The following TENM3 variants were observed in gnomAD, a reference collection of about 807,000 sequenced individuals.
TENM3 encodes the protein teneurin-3.
TENM3 carries 63 observed loss-of-function variants against 255.1 expected under a neutral mutation model. The ratio of observed to expected loss-of-function variants is 0.25; its 90% CI spans 0.20 to 0.30. The LOEUF is 0.30. TENM3 is among the 10% of genes least tolerant of loss of function. The pLI is 1.00. For missense variants in TENM3, 2,929 were observed against 3,461.1 expected (o/e 0.85, Z 3.86); for synonymous variants, 1,306 against 1,322.3 (o/e 0.99, Z 0.27).
chr4:182,684,407 G>A (rs1321004543), intron 11 of TENM3, among the ~76,000 whole-genome samples: 1 of 72,006 alleles, frequency 1.4e-5, no homozygotes, highest in Non-Finnish European at 2.5e-5. Flanking sequence ...ACACTGAACT[G>A]CCTGGGTTCA....
At chr4:182,347,019 TCC>T in intron 3 of TENM3, 90 bp downstream of exon 3, 2 of 977,962 alleles carry the variant, frequency 2.0e-6, no homozygotes, top group Non-Finnish European at 2.9e-6. Context: ...TTTCTTTCTC[TCC>T]TTCCTCTCAT....
chr4:181,820,899 T>A, the TENM3 span, among the ~76,000 whole-genome samples: 2 of 152,212 alleles, frequency 1.3e-5, no homozygotes, highest in Non-Finnish European at 2.9e-5. Context: ...TTAGACCTCC[T>A]TCGACACAAT....
the TENM3 span, among the ~76,000 whole-genome samples, chr4:181,888,552 A>G: frequency 0.22 from 19,075 of 85,182 alleles, 3,330 homozygotes; most frequent in Non-Finnish European, 0.26. Context: ...ATATATATGT[A>G]TATATATACA....
intron 1 of TENM3, among the ~76,000 whole-genome samples, chr4:182,250,755 T>A (rs1227231443): frequency 6.6e-6 from 1 of 152,236 alleles, no homozygotes; most frequent in African/African-American, 2.4e-5. Context: ...TTTAATATTT[T>A]AAAAATAAGC....
chr4:182,123,587 G>C, the TENM3 span, among the ~76,000 whole-genome samples: 7 of 152,288 alleles, frequency 4.6e-5, no homozygotes, highest in African/African-American at 1.7e-4. Context: ...AACATTTATT[G>C]ATGAAGTGTG....
chr4:182,361,836 G>A (rs201289394), intron 3 of TENM3, among the ~76,000 whole-genome samples: 21 of 151,854 alleles, frequency 1.4e-4, no homozygotes, highest in Non-Finnish European at 2.6e-4. Context: ...TTTTTTCCCC[G>A]TCTTTGTGGT....
the TENM3 span, among the ~76,000 whole-genome samples, chr4:181,891,408 A>G: frequency 1.6e-4 from 24 of 152,190 alleles, no homozygotes; most frequent in South Asian, 4.6e-3. Context: ...CTTTCCTACC[A>G]CTCAGCACCT....
the TENM3 span, among the ~76,000 whole-genome samples, chr4:181,628,083 G>A: frequency 2.6e-5 from 4 of 152,240 alleles, no homozygotes; most frequent in East Asian, 3.9e-4. Flanking sequence ...TTCTCTGATG[G>A]CCAGTGATGA....
chr4:181,904,081 G>T, the TENM3 span, among the ~76,000 whole-genome samples: 61 of 152,148 alleles, frequency 4.0e-4, no homozygotes, highest in African/African-American at 1.4e-3. Context: ...CTGAGCTCTT[G>T]ATATCCACTT....
chr4:182,645,522 A>G (rs887915332), intron 5 of TENM3, among the ~76,000 whole-genome samples: 1 of 152,180 alleles, frequency 6.6e-6, no homozygotes, highest in African/African-American at 2.4e-5. Context: ...TGGCTGTATC[A>G]GTTTGTAATT....
chr4:181,557,653 A>G, the TENM3 span, among the ~76,000 whole-genome samples: 1 of 151,620 alleles, frequency 6.6e-6, no homozygotes, highest in Admixed American at 6.6e-5. Flanking sequence ...CAGCCTCCCT[A>G]GTCACTGGGA....
intron 4 of TENM3, among the ~76,000 whole-genome samples, chr4:182,601,876 G>A (rs531865721): frequency 6.6e-6 from 1 of 152,252 alleles, no homozygotes; most frequent in African/African-American, 2.4e-5. Flanking sequence ...ATACATGATG[G>A]CCCATGAGCT....
chr4:181,520,372 C>T, the TENM3 span, among the ~76,000 whole-genome samples: 3 of 152,100 alleles, frequency 2.0e-5, no homozygotes, highest in Non-Finnish European at 1.5e-5. Context: ...AGATACTGCT[C>T]TCACTCTTTC....
At chr4:182,329,197 A>G (rs1462147922) in intron 2 of TENM3, among the ~76,000 whole-genome samples, 1 of 152,168 alleles carries the variant, frequency 6.6e-6, no homozygotes, top group African/African-American at 2.4e-5. Context: ...ATCGTGAAGG[A>G]CCAAGCTGGC....
Position 182,736,894 on chromosome 4 carries a change from C to G in TENM3, c.3054C>G (p.Leu1018=), listed in dbSNP as rs932728814. The G allele has an allele frequency of 6.8e-6, 11 of 1,613,654 alleles. No individual in the cohort carries two copies. Among genetic ancestry groups the G allele is most frequent in the Admixed American group, 3.3e-5 (2 of 59,992 alleles). The change falls in exon 17 of 28, where the codon CTC becomes CTG. Residue 1018 remains leucine (L), a synonymous_variant. Transcript: ENST00000511685. ...SSRAAGYKSV[L]KITMTQSIIP... is the part of the protein sequence containing the mutation. ...GAGCTGCAGGGTATAAGTCAGTTCT[C>G]AAGATCACCATGACCCAGTCTATTA... is the stretch of plus-strand genomic sequence containing the variant.
At chr4:182,368,656 CAAATTGATCTCTAAAAGGGATAA>C (rs922344393) in intron 3 of TENM3, among the ~76,000 whole-genome samples, 1 of 152,130 alleles carries the variant, frequency 6.6e-6, no homozygotes, top group Admixed American at 6.5e-5. Flanking sequence ...TGTCTGCTCC[CAAATTGATCTCTAAAAGGGATAA>C]AAACCGATGT....
chr4:182,154,899 A>T (rs1340234239), intron 1 of TENM3, among the ~76,000 whole-genome samples: 2 of 152,212 alleles, frequency 1.3e-5, no homozygotes, highest in Non-Finnish European at 2.9e-5. Flanking sequence ...ACATTATATT[A>T]TGTGAGTATA....
the TENM3 span, among the ~76,000 whole-genome samples, chr4:181,671,613 G>A: frequency 0.056 from 8,570 of 152,232 alleles, 326 homozygotes; most frequent in Middle Eastern, 0.16. Flanking sequence ...GGTGCTCGAC[G>A]TACATTATTT....
intron 3 of TENM3, among the ~76,000 whole-genome samples, chr4:182,360,268 G>T (rs1340464327): frequency 7.9e-6 from 1 of 126,026 alleles, no homozygotes; most frequent in Non-Finnish European, 1.7e-5. Context: ...TCAATTCCTG[G>T]GTATCCTTGT....
Sources: allele counts gnomAD v4.1 joint callset (sites outside exome capture counted in the v4.1 genomes callset), GRCh38; gene constraint gnomAD v4.1.1; transcripts MANE v1.5; gene names NCBI Gene and HGNC (gene_info 2026-07-23, HGNC 2026-07-21).